Variants in THEM5 observed in about 807,000 individuals in gnomAD.
THEM5 encodes acyl-coenzyme A thioesterase THEM5.
A neutral mutation model predicts 24.2 loss-of-function variants in THEM5; 28 were observed. The observed-to-expected ratio is 1.16, with a 90% CI of 0.86 to 1.59. THEM5 has a LOEUF of 1.59. Among genes scored for constraint, THEM5 ranks in the 40% most tolerant of loss-of-function variants. THEM5 has a pLI of 0.00. For missense variants in THEM5, 260 were observed against 296.8 expected (o/e 0.88, Z 0.91); for synonymous variants, 87 against 114.5 (o/e 0.76, Z 1.53).
At chr1:151,850,323 A>G (rs1241283519) in intron 3 of THEM5, 3 of 152,314 alleles carry the variant, frequency 2.0e-5, no homozygotes, top group Non-Finnish European at 4.4e-5. Context: ...TTGGTGACCC[A>G]CGGTCAGCCT....
intron 3 of THEM5, among the ~76,000 whole-genome samples, chr1:151,850,036 C>G (rs7524706): frequency 0.81 from 123,872 of 152,268 alleles, 50,709 homozygotes; most frequent in Admixed American, 0.85. Flanking sequence ...TCTGCACAGC[C>G]TAGTGTGTGG....
intron 3 of THEM5, among the ~76,000 whole-genome samples, chr1:151,849,134 G>A (rs1371418538): frequency 2.6e-5 from 4 of 151,660 alleles, no homozygotes; most frequent in African/African-American, 2.4e-5. Flanking sequence ...CATGAGAATC[G>A]ATTGAACCCG....
chr1:151,853,364 G>C, intron 1 of THEM5, 79 bp downstream of exon 1: 1 of 1,517,208 alleles, frequency 6.6e-7, no homozygotes, highest in Non-Finnish European at 8.9e-7. Context: ...CCATGGGCTG[G>C]GAAGAGGAGA....
Position 151,847,108 on chromosome 1 carries a change from G to T in THEM5, c.*263C>A, listed in dbSNP as rs953104135. ...AAGGCCCTGGGCCGAGAATGGGACTGTGAGACTTTATTTACTCAGAGAAAA... is the reference window on the plus strand; with the variant it reads ...AAGGCCCTGGGCCGAGAATGGGACTTTGAGACTTTATTTACTCAGAGAAAA... On this transcript the variant is annotated 3_prime_UTR_variant, in exon 6 of 6. Coordinates refer to ENST00000368817, the MANE Select transcript of THEM5 (RefSeq NM_182578.4). 4 of 713,984 alleles carry T rather than the reference G, an allele frequency of 5.6e-6. No homozygotes were observed. Among genetic ancestry groups the T allele is most frequent in the Middle Eastern group, 2.3e-4 (1 of 4,376 alleles). The allele number at this position is 713,984 out of a possible 1,614,324, so 44.2% of individuals were successfully genotyped here. A position where few individuals can be genotyped will look rare whatever the true frequency, so the allele number is the denominator to read the frequency against.
At position 151,847,335 on chromosome 1, in the gene THEM5, G is replaced by C. The variant is rs888775481; in HGVS notation, c.*36C>G. Reference sequence around the variant, plus strand: ...GGAGGCAGGAGGCAGGAGGCAGGCAGGGGAGGCAGTGGCTCTCCTGCAGGC... The same window carrying C: ...GGAGGCAGGAGGCAGGAGGCAGGCACGGGAGGCAGTGGCTCTCCTGCAGGC... On this transcript the variant is annotated 3_prime_UTR_variant, in exon 6 of 6. Transcript: ENST00000368817. 1 of 1,609,152 alleles carries C rather than the reference G, an allele frequency of 6.2e-7. No individual in the cohort carries two copies. Among genetic ancestry groups the C allele is most frequent in the Non-Finnish European group, 8.5e-7 (1 of 1,177,354 alleles).
chr1:151,853,672 T>C lies in THEM5; in HGVS notation c.-107A>G. 7.0e-7 allele frequency: 1 copy of C among 1,426,738 alleles called. No homozygotes were observed. The highest frequency in any genetic ancestry group is 9.3e-7 in the Non-Finnish European group (1 of 1,075,918). The allele number at this position is 1,426,738 out of a possible 1,614,324, so 88.4% of individuals were successfully genotyped here. ...CGCTTCTCTCCCTTCTGTTGCAGGC[T>C]TTCTTTCAGAGAGCTAGGCGAGGCT... is the stretch of plus-strand genomic sequence containing the variant. On this transcript the variant is annotated 5_prime_UTR_variant, in exon 1 of 6. Transcript: ENST00000368817.
chr1:151,852,481 G>A, intron 1 of THEM5, 22 bp from the exon 2 acceptor site: 3 of 1,613,296 alleles, frequency 1.9e-6, no homozygotes, highest in Non-Finnish European at 2.5e-6. Context: ...AAATCAGAAT[G>A]ACTAGACAGC....
intron 3 of THEM5, among the ~76,000 whole-genome samples, chr1:151,849,079 G>T (rs1195911623): frequency 6.6e-6 from 1 of 152,058 alleles, no homozygotes; most frequent in Non-Finnish European, 1.5e-5. Flanking sequence ...AATTAGACGG[G>T]TGTGGTGGCA....
chr1:151,851,675 G>T (rs1212756872), intron 2 of THEM5, among the ~76,000 whole-genome samples: 1 of 152,068 alleles, frequency 6.6e-6, no homozygotes, highest in East Asian at 1.9e-4. Flanking sequence ...AAACCCAAGG[G>T]TAGTCTGTCC....
Position 151,849,831 on chromosome 1 carries a change from ATGGTCTAGGGGCC to A in THEM5, c.464+1209_464+1221del, listed in dbSNP as rs1653057989. On this transcript the variant is annotated intron_variant, in intron 3 of 5. Coordinates refer to ENST00000368817, the MANE Select transcript of THEM5 (RefSeq NM_182578.4). ...GAGTAACTCCTCCTTCCCACTCCCC[ATGGTCTAGGGGCC>A]TGGTGGATACTAATCTCTTCTCTAG... is the stretch of plus-strand genomic sequence containing the variant. Among the ~76,000 whole-genome samples the A allele has an allele frequency of 2.0e-5, 3 of 152,126 alleles. No homozygotes were observed. The South Asian group carries it at 6.2e-4, about 32-fold the overall frequency.
At position 151,852,320 on chromosome 1, in the gene THEM5, A is replaced by AAGGAGGGC; in HGVS notation, c.255_262dup (p.Phe88CysfsTer81). ...CCGGATGTGGTCTCTGTTGGACTTG[A>AAGGAGGGC]AGGAGGGCAGCTTGATCCAGCCGCT... On this transcript the variant is annotated frameshift_variant, in exon 2 of 6. Transcript: ENST00000368817. LOFTEE classifies it high-confidence loss of function. The AAGGAGGGC allele has an allele frequency of 6.2e-7, 1 of 1,614,086 alleles. No homozygotes were observed. The highest frequency in any genetic ancestry group is 8.5e-7 in the Non-Finnish European group (1 of 1,180,010).
Position 151,847,388 on chromosome 1 carries a change from C to G in THEM5, c.727G>C (p.Glu243Gln). The change falls in exon 6 of 6, where the codon GAA becomes CAA. Residue 243 changes from glutamate to glutamine, a missense_variant. Coordinates refer to ENST00000368817, the MANE Select transcript of THEM5 (RefSeq NM_182578.4). ...SGVFLQLQLE[E>Q]ESPQ ...AGTGACTGTTACTGGGGAGACTCTTCTTCCAACTGCAGCTGAAGGAAAACA... is the reference window on the plus strand; with the variant it reads ...AGTGACTGTTACTGGGGAGACTCTTGTTCCAACTGCAGCTGAAGGAAAACA... The G allele has an allele frequency of 6.2e-7, 1 of 1,613,990 alleles. No homozygotes were observed. Among genetic ancestry groups the G allele is most frequent in the Non-Finnish European group, 8.5e-7 (1 of 1,179,980 alleles).
chr1:151,851,157 G>C lies in THEM5; in HGVS notation c.360C>G (p.Ile120Met). The change falls in exon 3 of 6, where the codon ATC becomes ATG. Residue 120 changes from isoleucine (I) to methionine (M), a missense_variant. By Grantham distance (10) the Ile-to-Met change is conservative. Transcript: ENST00000368817. Reference protein sequence around the residue: ...KGDCRIFTRCIQVEGQGFEYV... With the variant: ...KGDCRIFTRCMQVEGQGFEYV... The stretch of plus-strand genomic sequence containing the variant: ...ACTCAAAGCCTTGTCCTTCCACTTG[G>C]ATGCACCTGGTGAAGATGCGACAGT... 1 of 1,614,178 alleles carries C rather than the reference G, an allele frequency of 6.2e-7. No homozygotes were observed. The highest frequency in any genetic ancestry group is 8.5e-7 in the Non-Finnish European group (1 of 1,180,016).
rs1653180840 is a variant in THEM5, at chr1:151,853,463, C to G, written c.103G>C (p.Gly35Arg). 1 of 1,613,858 alleles carries G rather than the reference C, an allele frequency of 6.2e-7. No individual in the cohort carries two copies. Among genetic ancestry groups the G allele is most frequent in the African/African-American group, 1.3e-5 (1 of 74,914 alleles). Residue 35 changes from glycine (G) to arginine (R), a missense_variant, in exon 1 of 6, where the codon GGA (glycine) becomes CGA (arginine). Gly to Arg is a moderately radical substitution (Grantham distance 125). Coordinates refer to ENST00000368817, the MANE Select transcript of THEM5 (RefSeq NM_182578.4). The part of the protein sequence containing the change: ...LPRLNPASAF[G>R]SSTDSMFSRF... ...CTCACCATGGAGTCTGTGGAGGATC[C>G]AAATGCTGAGGCAGGGTTGAGTCTG...
At position 151,847,316 on chromosome 1, in the gene THEM5, A is replaced by AGG. The variant is rs1652964332; in HGVS notation, c.*53_*54dup. ...GAGGCAGGAGGCAGGCAGGGGAGGC[A>AGG]GGAGGCAGGAGGCAGGCAGGGGAGG... On this transcript the variant is annotated 3_prime_UTR_variant, in exon 6 of 6. Transcript: ENST00000368817. 6.4e-7 allele frequency: 1 copy of AGG among 1,552,178 alleles called. No homozygotes were observed. The highest frequency in any genetic ancestry group is 1.4e-5 in the African/African-American group (1 of 70,482).
At chr1:151,853,191 A>C (rs1653172866) in intron 1 of THEM5, among the ~76,000 whole-genome samples, 1 of 152,230 alleles carries the variant, frequency 6.6e-6, no homozygotes, top group African/African-American at 2.4e-5. Context: ...CAGTAGTCTG[A>C]GTCCCACAGG....
At chr1:151,852,163 G>T in intron 2 of THEM5, 95 bp downstream of exon 2, 1 of 1,261,952 alleles carries the variant, frequency 7.9e-7, no homozygotes, top group Non-Finnish European at 1.2e-6. Context: ...GGAAGAACTC[G>T]CTGAGAACTG....
Position 151,853,499 on chromosome 1 carries a change from G to C in THEM5, c.67C>G (p.Arg23Gly). ...GCAGGGTTGAGTCTGGGCAGGATAC[G>C]GGGGGCCTCAAGAAGGCCTCTGTGG... The part of the protein sequence containing the change: ...GHHRGLLEAP[R>G]ILPRLNPASA... Residue 23 changes from arginine to glycine, a missense_variant, in exon 1 of 6, where the codon CGT becomes GGT. Physicochemically the swap from Arg to Gly is moderately radical, Grantham distance 125 (BLOSUM62 -2). Transcript: ENST00000368817. 1 of 1,613,660 alleles carries C rather than the reference G, an allele frequency of 6.2e-7. No individual in the cohort carries two copies. Among genetic ancestry groups the C allele is most frequent in the Non-Finnish European group, 8.5e-7 (1 of 1,179,794 alleles).
Position 151,847,217 on chromosome 1 carries a change from GA to G in THEM5, c.*153del, listed in dbSNP as rs1475192256. ...GGTCCCAGGCAGGCAGGGGAGGCAG[GA>G]GGCAGGAGGCAGGCAGGGGAGGCAG... On this transcript the variant is annotated 3_prime_UTR_variant, in exon 6 of 6. Transcript: ENST00000368817. 1 of 338,276 alleles carries G rather than the reference GA, an allele frequency of 3.0e-6. No individual in the cohort carries two copies. Among genetic ancestry groups the G allele is most frequent in the Non-Finnish European group, 4.0e-6 (1 of 249,096 alleles). The allele number at this position is 338,276 out of a possible 1,614,324, so 21.0% of individuals were successfully genotyped here. A position where few individuals can be genotyped will look rare whatever the true frequency, so the allele number is the denominator to read the frequency against.
Sources: allele counts gnomAD v4.1 joint callset (sites outside exome capture counted in the v4.1 genomes callset), GRCh38; gene constraint gnomAD v4.1.1; transcripts MANE v1.5; gene names NCBI Gene and HGNC (gene_info 2026-07-23, HGNC 2026-07-21).